ANKRD6: variants seen among roughly 807,000 people sequenced by gnomAD.
ANKRD6 encodes the protein ankyrin repeat domain-containing protein 6.
In ANKRD6, 56 loss-of-function variants were observed where a neutral mutation model predicts 82.3. That is an observed-to-expected ratio of 0.68 (90% CI 0.55 to 0.85). ANKRD6 has a LOEUF of 0.85. Among genes scored for constraint, ANKRD6 ranks in the 40% least tolerant of loss-of-function variants. The pLI is 0.00. For missense variants in ANKRD6, 852 were observed against 907.6 expected (o/e 0.94, Z 0.79); for synonymous variants, 347 against 352.1 (o/e 0.99, Z 0.16).
intron 3 of ANKRD6, chr6:89,597,946 G>A (rs1796266494): frequency 1.2e-5 from 3 of 240,698 alleles, no homozygotes; most frequent in Non-Finnish European, 2.0e-5. Flanking sequence ...AAGAAATCAA[G>A]GAAGAAAACT....
chr6:89,541,481 A>T (rs1302357820), intron 1 of ANKRD6, among the ~76,000 whole-genome samples: 1 of 132,960 alleles, frequency 7.5e-6, no homozygotes, highest in Non-Finnish European at 1.5e-5. Flanking sequence ...CAGCCTCCAC[A>T]TTCCGAGTTC....
intron 1 of ANKRD6, among the ~76,000 whole-genome samples, chr6:89,487,246 A>G (rs913285342): frequency 1.3e-5 from 2 of 152,244 alleles, no homozygotes; most frequent in African/African-American, 4.8e-5. Context: ...TACATAAAAT[A>G]AGCATTTAGT....
chr6:89,574,882 T>A (rs1790753119), intron 2 of ANKRD6, among the ~76,000 whole-genome samples: 1 of 152,164 alleles, frequency 6.6e-6, no homozygotes, highest in Non-Finnish European at 1.5e-5. Flanking sequence ...GCAGATAAAT[T>A]GTAGAAGAGG....
intron 1 of ANKRD6, among the ~76,000 whole-genome samples, chr6:89,543,607 T>C (rs906764000): frequency 4.6e-5 from 7 of 152,184 alleles, no homozygotes; most frequent in African/African-American, 1.7e-4. Flanking sequence ...TAGAAGGTTC[T>C]TTTGTAGAGG....
chr6:89,484,062 C>T (rs1402418831), intron 1 of ANKRD6, among the ~76,000 whole-genome samples: 1 of 152,124 alleles, frequency 6.6e-6, no homozygotes, highest in Non-Finnish European at 1.5e-5. Context: ...TGCCCACCAC[C>T]ATGCCCTGCT....
intron 1 of ANKRD6, among the ~76,000 whole-genome samples, chr6:89,538,352 T>G (rs1370114317): frequency 2.0e-5 from 3 of 152,242 alleles, no homozygotes; most frequent in Non-Finnish European, 2.9e-5. Flanking sequence ...AGTAAATGTT[T>G]AGAAACTTAC....
intron 1 of ANKRD6, among the ~76,000 whole-genome samples, chr6:89,509,988 G>A (rs1327547678): frequency 6.6e-6 from 1 of 152,176 alleles, no homozygotes. Flanking sequence ...ATGGGCTTGC[G>A]TTTCCTGGCC....
chr6:89,508,236 G>A (rs1432915181), intron 1 of ANKRD6, among the ~76,000 whole-genome samples: 1 of 152,202 alleles, frequency 6.6e-6, no homozygotes, highest in African/African-American at 2.4e-5. Flanking sequence ...TTGTGAGGTT[G>A]CAGTCTAAGA....
chr6:89,627,357 T>C (rs892513462), intron 13 of ANKRD6, among the ~76,000 whole-genome samples: 1 of 152,220 alleles, frequency 6.6e-6, no homozygotes, highest in African/African-American at 2.4e-5. Flanking sequence ...TCTTAAACTT[T>C]AACAAATAAG....
chr6:89,628,519 C>T (rs1806441270), intron 14 of ANKRD6, among the ~76,000 whole-genome samples: 1 of 152,170 alleles, frequency 6.6e-6, no homozygotes, highest in African/African-American at 2.4e-5. Flanking sequence ...CCTGTAATCC[C>T]AGCACTTTGG....
chr6:89,614,787 TG>T (rs1258362113), intron 7 of ANKRD6, among the ~76,000 whole-genome samples: 1 of 150,322 alleles, frequency 6.7e-6, no homozygotes, highest in Non-Finnish European at 1.5e-5. Context: ...GCCATGATCT[TG>T]CCACTGCACA....
intron 1 of ANKRD6, chr6:89,560,801 G>A (rs1787291721): frequency 6.6e-6 from 1 of 152,210 alleles, no homozygotes; most frequent in Admixed American, 6.6e-5. Flanking sequence ...GTAGCCTGGG[G>A]GGACAAGAGC....
chr6:89,553,913 C>A (rs1055476669), intron 1 of ANKRD6, among the ~76,000 whole-genome samples: 1 of 152,186 alleles, frequency 6.6e-6, no homozygotes, highest in African/African-American at 2.4e-5. Context: ...CCCCTGGAAC[C>A]TGACCATCCT....
intron 1 of ANKRD6, among the ~76,000 whole-genome samples, chr6:89,517,377 G>T (rs1781358076): frequency 6.6e-6 from 1 of 152,202 alleles, no homozygotes; most frequent in African/African-American, 2.4e-5. Flanking sequence ...GGGATAGTGT[G>T]TAATTTTTAA....
At chr6:89,459,713 A>T (rs531749552) in intron 1 of ANKRD6, among the ~76,000 whole-genome samples, 7 of 152,072 alleles carry the variant, frequency 4.6e-5, no homozygotes, top group African/African-American at 1.7e-4. Flanking sequence ...GTGTTGCACA[A>T]GTTGGTCTTG....
At position 89,603,118 on chromosome 6, in the gene ANKRD6, A is replaced by T. The variant is rs796725749; in HGVS notation, c.309A>T (p.Arg103Ser). The change falls in exon 4 of 16, where the codon AGA becomes AGT. Residue 103 changes from arginine to serine, a missense_variant. By Grantham distance (110) the Arg-to-Ser change is moderately radical. Coordinates refer to ENST00000339746, the MANE Select transcript of ANKRD6 (RefSeq NM_001242809.2). ...TCCACGAAGGGTGTGCCCTGGACAG[A>T]CAAGACAAGGTGAGTGGACACTGAG... ...ALIHEGCALDRQDKDGNTALH... is the reference protein window; with the variant it reads ...ALIHEGCALDSQDKDGNTALH... 3.7e-6 allele frequency: 6 copies of T among 1,602,622 alleles called. No individual in the cohort carries two copies. The African/African-American group carries it at 8.0e-5, about 21-fold the overall frequency.
intron 1 of ANKRD6, among the ~76,000 whole-genome samples, chr6:89,460,493 A>G (rs914806690): frequency 1.4e-4 from 22 of 151,844 alleles, no homozygotes; most frequent in African/African-American, 4.8e-4. Context: ...CTGGAGTGCA[A>G]TGGCGCAATC....
intron 2 of ANKRD6, among the ~76,000 whole-genome samples, chr6:89,580,554 AAC>A (rs1211832585): frequency 6.6e-6 from 1 of 152,060 alleles, no homozygotes. Flanking sequence ...GGCCTCAAGA[AAC>A]ACAGTGAGAA....
chr6:89,552,080 T>TG (rs1327917082), intron 1 of ANKRD6, among the ~76,000 whole-genome samples: 1 of 152,260 alleles, frequency 6.6e-6, no homozygotes, highest in Non-Finnish European at 1.5e-5. Flanking sequence ...AACTTGCTCA[T>TG]GGCTAATCTG....
Sources: allele counts gnomAD v4.1 joint callset (sites outside exome capture counted in the v4.1 genomes callset), GRCh38; gene constraint gnomAD v4.1.1; transcripts MANE v1.5; gene names NCBI Gene and HGNC (gene_info 2026-07-23, HGNC 2026-07-21).